The following MLH3 variants were observed in gnomAD, a reference collection of about 807,000 sequenced individuals.
MLH3 encodes the protein mutL homolog 3.
Under a neutral mutation model 122.2 loss-of-function variants are expected in MLH3, and 82 were observed. That is an observed-to-expected ratio of 0.67 (90% CI 0.56 to 0.81). MLH3 has a LOEUF of 0.81. Ranked by LOEUF, MLH3 falls within the 30% of genes least tolerant of loss-of-function variation. The pLI, the probability that MLH3 is intolerant of heterozygous loss-of-function variation, is 0.00. For synonymous variants in MLH3, 524 were observed against 599.5 expected, an observed-to-expected ratio of 0.87 and a Z score of 1.84; for missense variants, 1,539 against 1,714.5, an observed-to-expected ratio of 0.90 and a Z score of 1.81.
chr14:75,049,830 G>T, intron 1 of MLH3, 112 bp from the exon 2 acceptor site: 1 of 715,098 alleles, frequency 1.4e-6, no homozygotes, highest in Non-Finnish European at 2.4e-6. Flanking sequence ...ACCAAATTGT[G>T]AAACAAAGCA....
In MLH3 at chr14:75,048,807, A is replaced by G. The variant is rs376836787; in HGVS notation, c.849T>C (p.Asn283=). ...AATTCATTTGCCTACTGGTGGGACC[A>G]TTCTTTGGCTTGCATATAATACTTT... ...RKESIICKPK[N]GPTSRQMNSS... Residue 283 remains asparagine (N), a synonymous_variant, in exon 2 of 13, where the codon AAT becomes AAC. Transcript: ENST00000355774. 1.9e-6 allele frequency: 3 copies of G among 1,614,186 alleles called. No individual in the cohort carries two copies. Among genetic ancestry groups the G allele is most frequent in the Non-Finnish European group, 2.5e-6 (3 of 1,180,020 alleles).
rs1238440401 is a variant in MLH3 at position 75,016,991 on chromosome 14, C to T, written c.*91G>A. 2 of 1,507,790 alleles carry T rather than the reference C, an allele frequency of 1.3e-6. No homozygotes were observed. The highest frequency in any genetic ancestry group is 2.3e-5 in the East Asian group (1 of 43,360). The allele number at this position is 1,507,790 out of a possible 1,614,324, so 93.4% of individuals were successfully genotyped here. ...CTCAGGGACACTGGGCTGATTCAGT[C>T]AGGGCCGTGCTGGTACCTGCTGCTG... On this transcript the variant is annotated 3_prime_UTR_variant, in exon 13 of 13. Coordinates refer to ENST00000355774, the MANE Select transcript of MLH3 (RefSeq NM_001040108.2).
At position 75,047,047 on chromosome 14, in the gene MLH3, G is replaced by A; in HGVS notation, c.2609C>T (p.Ser870Phe). 6.2e-7 allele frequency: 1 copy of A among 1,614,184 alleles called. No homozygotes were observed. The highest frequency in any genetic ancestry group is 1.1e-5 in the South Asian group (1 of 91,082). ...GGATAATTTAGAGGCTAGTGATTCA[G>A]ATGACTTCTCAAGGTCCAAAGGTTT... is the stretch of plus-strand genomic sequence containing the variant. ...NRKPLDLEKS[S>F]ESLASKLSRL... Residue 870 changes from serine (S) to phenylalanine (F), a missense_variant, in exon 2 of 13, where the codon TCT becomes TTT. Physicochemically the swap from Ser to Phe is radical, Grantham distance 155. Coordinates refer to ENST00000355774, the MANE Select transcript of MLH3 (RefSeq NM_001040108.2).
intron 12 of MLH3, 107 bp from the exon 13 acceptor site, chr14:75,017,308 G>C: frequency 1.7e-6 from 2 of 1,153,934 alleles, no homozygotes; most frequent in Non-Finnish European, 2.6e-6. Flanking sequence ...GGAGGCCAAG[G>C]CAGGCGGATC....
intron 9 of MLH3, among the ~76,000 whole-genome samples, chr14:75,029,083 G>A (rs1179700835): frequency 1.4e-5 from 2 of 147,976 alleles, no homozygotes; most frequent in African/African-American, 2.5e-5. Context: ...CCGGGAGGTG[G>A]AGGTTGCAGT....
Position 75,049,538 on chromosome 14 carries a change from A to G in MLH3, c.118T>C (p.Cys40Arg), listed in dbSNP as rs1892525593. Residue 40 changes from cysteine (C) to arginine (R), a missense_variant, in exon 2 of 13, where the codon TGT (cysteine) becomes CGT (arginine). Coordinates refer to ENST00000355774, the MANE Select transcript of MLH3 (RefSeq NM_001040108.2). ...TCCATATTCACCCTGACAGCCACAC[A>G]TTTTGCTTCAGCATCAATACTGTTG... ...ALNSIDAEAK[C>R]VAVRVNMETF... 1 of 1,613,988 alleles carries G rather than the reference A, an allele frequency of 6.2e-7. No individual in the cohort carries two copies. Among genetic ancestry groups the G allele is most frequent in the South Asian group, 1.1e-5 (1 of 91,072 alleles).
Position 75,049,000 on chromosome 14 carries a change from T to A in MLH3, c.656A>T (p.Lys219Met). The change falls in exon 2 of 13, where the codon AAG (lysine) becomes ATG (methionine). Residue 219 changes from lysine (K) to methionine (M), a missense_variant. Physicochemically the swap from Lys to Met is moderately conservative, Grantham distance 95. Transcript: ENST00000355774. The stretch of plus-strand genomic sequence containing the variant: ...ACTTATTTCTCTTAGCTTTTGGGAC[T>A]TTCCCAATCCATAAATTTGACAAAA... ...SRFCQIYGLG[K>M]SQKLREISFK... 6.2e-7 allele frequency: 1 copy of A among 1,614,144 alleles called. No homozygotes were observed. Among genetic ancestry groups the A allele is most frequent in the African/African-American group, 1.3e-5 (1 of 75,060 alleles).
At chr14:75,044,810 A>G (rs1892100854) in intron 2 of MLH3, among the ~76,000 whole-genome samples, 1 of 152,226 alleles carries the variant, frequency 6.6e-6, no homozygotes. Context: ...TTATAACTAC[A>G]TTTATACATG....
At chr14:75,021,298 C>A (rs1398276894) in intron 11 of MLH3, among the ~76,000 whole-genome samples, 3 of 152,224 alleles carry the variant, frequency 2.0e-5, no homozygotes, top group Admixed American at 6.5e-5. Context: ...CGAAAATTGA[C>A]AAGTGAGACT....
intron 9 of MLH3, among the ~76,000 whole-genome samples, chr14:75,025,644 G>C (rs181521513): frequency 1.5e-3 from 231 of 151,958 alleles, no homozygotes; most frequent in African/African-American, 5.3e-3. Context: ...CTTCCTCAAG[G>C]CCCTTCTCCA....
Position 75,048,020 on chromosome 14 carries a change from T to C in MLH3, c.1636A>G (p.Arg546Gly), listed in dbSNP as rs138349213. 1.2e-6 allele frequency: 2 copies of C among 1,613,592 alleles called. No individual in the cohort carries two copies. Among genetic ancestry groups the C allele is most frequent in the African/African-American group, 2.7e-5 (2 of 74,920 alleles). ...AATCTCTTTGGTTGATTCTGAATTC[T>C]ATTATTTTTCAAGATGTTGGCAGCC... ...GMAANILKNN[R>G]IQNQPKRFKD... is the part of the protein sequence containing the mutation. Residue 546 changes from arginine to glycine, a missense_variant, in exon 2 of 13, where the codon AGA becomes GGA. Transcript: ENST00000355774.
rs56044700 is a variant in MLH3 at position 75,032,394 on chromosome 14, C to A, written c.3716-215G>T. ...ATTTTTCAAAATAAGAAATATAAGACTTGCATCTTACATTCAGATGAACAA... is the reference window on the plus strand; with the variant it reads ...ATTTTTCAAAATAAGAAATATAAGAATTGCATCTTACATTCAGATGAACAA... On this transcript the variant is annotated intron_variant, in intron 7 of 12. Transcript: ENST00000355774. 7.4e-4 allele frequency among the ~76,000 whole-genome samples: 112 copies of A among 152,304 alleles called. No homozygotes were observed. The South Asian group carries it at 0.023, about 31-fold the overall frequency.
rs1225943082 is a variant in MLH3, at chr14:75,032,145, A to G, written c.3750T>C (p.Gly1250=). 1 of 1,613,874 alleles carries G rather than the reference A, an allele frequency of 6.2e-7. No homozygotes were observed. The change falls in exon 8 of 13, where the codon GGT becomes GGC. Residue 1250 remains glycine, a synonymous_variant. Coordinates refer to ENST00000355774, the MANE Select transcript of MLH3 (RefSeq NM_001040108.2). ...GAGTAGAAGACAGTAATTTTTTCCG[A>G]CCAGAGCCTTGTGCCTGTTGCTTCT... ...SYEKQQAQGS[G]RKKLLSSTLI... is the part of the protein sequence containing the mutation.
rs1892349408 is a variant in MLH3, at chr14:75,047,710, G to T, written c.1946C>A (p.Ser649Ter). Residue 649 changes from serine to a stop codon, truncating the protein, a stop_gained, in exon 2 of 13, where the codon TCA (serine) becomes TAA (stop). Transcript: ENST00000355774. LOFTEE classifies it high-confidence loss of function. ...QETFGNRTRH[S>*]VETPDIKDLA... ...ATCTTTGATGTCTGGAGTTTCAACTGAATGACGTGTTCTATTTCCAAATGT... is the reference window on the plus strand; with the variant it reads ...ATCTTTGATGTCTGGAGTTTCAACTTAATGACGTGTTCTATTTCCAAATGT... 1 of 1,614,004 alleles carries T rather than the reference G, an allele frequency of 6.2e-7. No individual in the cohort carries two copies. Among genetic ancestry groups the T allele is most frequent in the Admixed American group, 1.7e-5 (1 of 60,002 alleles).
At chr14:75,051,054 A>G (rs1892623453) in intron 1 of MLH3, 1 of 152,282 alleles carries the variant, frequency 6.6e-6, no homozygotes, top group South Asian at 2.1e-4. Flanking sequence ...AAGTATTCCG[A>G]TTAATGTAAA....
At chr14:75,041,898 T>A (rs1301671039) in intron 3 of MLH3, among the ~76,000 whole-genome samples, 198 bp from the exon 4 acceptor site, 1 of 152,238 alleles carries the variant, frequency 6.6e-6, no homozygotes, top group African/African-American at 2.4e-5. Context: ...GGTGACTGTA[T>A]CTTCTGGCAT....
intron 11 of MLH3, among the ~76,000 whole-genome samples, chr14:75,020,066 C>T (rs766216968): frequency 1.3e-5 from 2 of 152,114 alleles, no homozygotes; most frequent in African/African-American, 4.8e-5. Flanking sequence ...TTAAGAAAGA[C>T]GTGGCTAATT....
At chr14:75,019,099 G>A in intron 11 of MLH3, 119 bp from the exon 12 acceptor site, 2 of 934,540 alleles carry the variant, frequency 2.1e-6, no homozygotes, top group South Asian at 2.9e-5. Context: ...CTTTAATGAA[G>A]CTTTAATCCT....
Position 75,018,647 on chromosome 14 carries a change from C to T in MLH3, c.4242+182G>A, listed in dbSNP as rs568871342. Among the ~76,000 whole-genome samples the T allele has an allele frequency of 8.3e-4, 126 of 152,250 alleles. 1 individual carries two copies. Among genetic ancestry groups the T allele is most frequent in the African/African-American group, 2.9e-3 (121 of 41,538 alleles). On this transcript the variant is annotated intron_variant, in intron 12 of 12. Transcript: ENST00000355774. Reference sequence around the variant, plus strand: ...GTGACCTGACAGTTCAGTCTAAGTTCCATTTTGGATTTGAGCTGGAAAATG... The same window carrying T: ...GTGACCTGACAGTTCAGTCTAAGTTTCATTTTGGATTTGAGCTGGAAAATG...
Sources: gnomAD v4.1 joint callset for allele counts (sites outside exome capture counted in the v4.1 genomes callset) on GRCh38, gnomAD v4.1.1 for gene constraint, MANE v1.5 for transcripts, NCBI Gene and HGNC (gene_info 2026-07-23, HGNC 2026-07-21) for gene names.